SLC15A1: variants seen among roughly 807,000 people sequenced by gnomAD.
SLC15A1 encodes Caco-2 oligopeptide transporter.
SLC15A1 carries 83 observed loss-of-function variants against 92.9 expected under a neutral mutation model. The ratio of observed to expected loss-of-function variants is 0.89; its 90% CI spans 0.75 to 1.07. The LOEUF (loss-of-function observed/expected upper bound fraction) is 1.07, where lower values mean the gene tolerates loss of function less well. Ranked by LOEUF, SLC15A1 falls within the 50% of genes least tolerant of loss-of-function variation. SLC15A1 has a pLI of 0.00. For missense variants in SLC15A1, 857 were observed against 880.1 expected (o/e 0.97, Z 0.33); for synonymous variants, 322 against 318.2 (o/e 1.01, Z -0.13).
chr13:98,747,275 C>A lies in SLC15A1; in HGVS notation c.4+5320G>T, dbSNP rs74726791. 6.5e-3 allele frequency among the ~76,000 whole-genome samples: 983 copies of A among 152,236 alleles called. 12 individuals carry two copies. The highest frequency in any genetic ancestry group is 0.023 in the African/African-American group (945 of 41,538). ...TGTGGAAAGGTTCCTCAGGCCTGAC[C>A]CTTGTTTTTATTTCCTTATCGGCTC... On this transcript the variant is annotated intron_variant, in intron 1 of 22. Coordinates refer to ENST00000376503, the MANE Select transcript of SLC15A1 (RefSeq NM_005073.4).
intron 11 of SLC15A1, among the ~76,000 whole-genome samples, chr13:98,711,272 T>C (rs139883152): frequency 1.2e-4 from 19 of 152,360 alleles, no homozygotes; most frequent in Admixed American, 3.3e-4. Context: ...CTTTGGTTAC[T>C]GAGCCCCATG....
intron 7 of SLC15A1, among the ~76,000 whole-genome samples, chr13:98,719,557 C>T (rs1274858328): frequency 6.6e-6 from 1 of 152,150 alleles, no homozygotes; most frequent in Non-Finnish European, 1.5e-5. Flanking sequence ...CCCAGCTTGG[C>T]CAAAATCAGC....
intron 22 of SLC15A1, among the ~76,000 whole-genome samples, chr13:98,685,743 T>TTTGGGGGGCCAAGTGCCCAC (rs1165756396): frequency 1.3e-5 from 2 of 152,108 alleles, no homozygotes; most frequent in Admixed American, 1.3e-4. Context: ...CTCCCAGCAC[T>TTTGGGGGGCCAAGTGCCCAC]TTGGGGGGCC....
At chr13:98,731,925 G>A (rs1255226459) in intron 1 of SLC15A1, among the ~76,000 whole-genome samples, 1 of 152,160 alleles carries the variant, frequency 6.6e-6, no homozygotes, top group East Asian at 1.9e-4. Flanking sequence ...AAGGCATTTT[G>A]TTTTCTGAAA....
Position 98,687,575 on chromosome 13 carries a change from A to G in SLC15A1, c.1827+6T>C. Reference sequence around the variant, plus strand: ...AGATGGGTGGTAAATACAACAAACAAGAAACCTGAGAATATGAGAATTCCA... The same window carrying G: ...AGATGGGTGGTAAATACAACAAACAGGAAACCTGAGAATATGAGAATTCCA... On this transcript the variant is annotated splice_donor_region_variant and intron_variant, in intron 21 of 22. Transcript: ENST00000376503. The G allele has an allele frequency of 3.1e-6, 5 of 1,613,878 alleles. No homozygotes were observed. Among genetic ancestry groups the G allele is most frequent in the Non-Finnish European group, 4.2e-6 (5 of 1,179,930 alleles).
chr13:98,705,160 C>T (rs565840634), intron 16 of SLC15A1, among the ~76,000 whole-genome samples: 1 of 146,974 alleles, frequency 6.8e-6, no homozygotes, highest in African/African-American at 2.5e-5. Flanking sequence ...GATAGCGCCA[C>T]TGCACTCAAG....
Position 98,688,510 on chromosome 13 carries a change from T to A in SLC15A1, c.1534A>T (p.Ser512Cys). The part of the protein sequence containing the change: ...MSGKVYANIS[S>C]YNASTYQFFP... ...AACTGGTATGTGCTGGCATTGTAGCTGCTGATGTTTGCATAAACTTTCCCA... is the reference window on the plus strand; with the variant it reads ...AACTGGTATGTGCTGGCATTGTAGCAGCTGATGTTTGCATAAACTTTCCCA... Residue 512 changes from serine to cysteine, a missense_variant, in exon 19 of 23, where the codon AGC becomes TGC. Physicochemically the swap from Ser to Cys is moderately radical, Grantham distance 112 (BLOSUM62 -1). Transcript: ENST00000376503. The A allele has an allele frequency of 6.2e-7, 1 of 1,614,158 alleles. No individual in the cohort carries two copies.
At chr13:98,708,826 A>G in intron 14 of SLC15A1, 59 bp from the exon 15 acceptor site, 3 of 1,225,910 alleles carry the variant, frequency 2.4e-6, no homozygotes, top group Non-Finnish European at 3.3e-6. Flanking sequence ...GCTAAGCTAA[A>G]CCCCCACCCC....
At chr13:98,714,890 C>T (rs1358057918) in intron 9 of SLC15A1, among the ~76,000 whole-genome samples, 2 of 151,932 alleles carry the variant, frequency 1.3e-5, no homozygotes, top group Non-Finnish European at 2.9e-5. Context: ...ATTCCATTAT[C>T]TAAGGATTCT....
chr13:98,698,090 T>C (rs2088037872), intron 18 of SLC15A1, among the ~76,000 whole-genome samples: 1 of 152,162 alleles, frequency 6.6e-6, no homozygotes, highest in Non-Finnish European at 1.5e-5. Context: ...AAAGCCTTGG[T>C]GAAATGAAAG....
At chr13:98,693,481 G>T (rs151175631) in intron 18 of SLC15A1, among the ~76,000 whole-genome samples, 1,633 of 152,176 alleles carry the variant, frequency 0.011, 30 homozygotes, top group African/African-American at 0.038. Context: ...CTAAAAACTT[G>T]GAGCATATAT....
chr13:98,687,378 C>T (rs186946716), intron 21 of SLC15A1, among the ~76,000 whole-genome samples: 2 of 152,266 alleles, frequency 1.3e-5, no homozygotes, highest in Non-Finnish European at 2.9e-5. Context: ...AACACGTGCT[C>T]TTGCAAAGTT....
intron 18 of SLC15A1, among the ~76,000 whole-genome samples, chr13:98,694,527 T>G (rs569006471): frequency 0.018 from 2,704 of 152,330 alleles, 33 homozygotes; most frequent in Admixed American, 0.026. Flanking sequence ...TCAAAATATT[T>G]TCATTACATG....
At chr13:98,743,115 A>T (rs1360434833) in intron 1 of SLC15A1, among the ~76,000 whole-genome samples, 3 of 152,114 alleles carry the variant, frequency 2.0e-5, no homozygotes, top group Non-Finnish European at 2.9e-5. Context: ...ATATTGAATT[A>T]GGGGCCACCC....
intron 15 of SLC15A1, among the ~76,000 whole-genome samples, chr13:98,706,957 G>A (rs546694921): frequency 3.9e-5 from 6 of 152,158 alleles, no homozygotes; most frequent in South Asian, 4.2e-4. Context: ...GAGATCTACC[G>A]TCACCCGACT....
chr13:98,712,118 C>G (rs1364554114), intron 10 of SLC15A1, among the ~76,000 whole-genome samples, 175 bp from the exon 11 acceptor site: 1 of 152,098 alleles, frequency 6.6e-6, no homozygotes, highest in Non-Finnish European at 1.5e-5. Context: ...TCGAAAATGT[C>G]TAAACTATTT....
chr13:98,737,164 T>C (rs1202802937), intron 1 of SLC15A1, among the ~76,000 whole-genome samples: 2 of 152,154 alleles, frequency 1.3e-5, no homozygotes, highest in East Asian at 1.9e-4. Flanking sequence ...TATTCAGCCA[T>C]GAAAAAGGAT....
intron 8 of SLC15A1, 53 bp from the exon 9 acceptor site, chr13:98,716,013 T>G: frequency 6.9e-7 from 1 of 1,455,288 alleles, no homozygotes; most frequent in Non-Finnish European, 9.7e-7. Context: ...GAGCGCCCTG[T>G]GGCCTAGAGA....
chr13:98,720,921 A>G lies in SLC15A1; in HGVS notation c.556+574T>C, dbSNP rs1466042953. On this transcript the variant is annotated intron_variant, in intron 7 of 22. Transcript: ENST00000376503. Reference sequence around the variant, plus strand: ...AAAAATATTATCCGGGCATGGTGGCAGGCGCCTGTTGTCCCAGCTACTCAG... The same window carrying G: ...AAAAATATTATCCGGGCATGGTGGCGGGCGCCTGTTGTCCCAGCTACTCAG... 2.0e-4 allele frequency: 69 copies of G among 351,752 alleles called. 1 individual carries two copies. Among genetic ancestry groups the G allele is most frequent in the South Asian group, 1.4e-3 (63 of 44,808 alleles). 21.8% of individuals were successfully genotyped at this position (351,752 alleles called of 1,614,324 possible).
Sources: gnomAD v4.1 joint callset for allele counts (sites outside exome capture counted in the v4.1 genomes callset) on GRCh38, gnomAD v4.1.1 for gene constraint, MANE v1.5 for transcripts, NCBI Gene and HGNC (gene_info 2026-07-23, HGNC 2026-07-21) for gene names.